STIM2: variants seen among roughly 807,000 people sequenced by gnomAD.
The protein encoded by STIM2 is stromal interaction molecule 2.
In STIM2, 31 loss-of-function variants were observed where a neutral mutation model predicts 85.8. That is an observed-to-expected ratio of 0.36 (90% CI 0.27 to 0.49). STIM2 has a LOEUF of 0.49. STIM2 is among the 20% of genes least tolerant of loss of function. The pLI is 0.98. For synonymous variants in STIM2, 356 were observed against 331.1 expected (o/e 1.08, Z -0.82); for missense variants, 841 against 927.6 (o/e 0.91, Z 1.21).
chr4:26,880,601 A>G (rs1417322585), intron 1 of STIM2, among the ~76,000 whole-genome samples: 1 of 146,866 alleles, frequency 6.8e-6, no homozygotes, highest in Non-Finnish European at 1.5e-5. Context: ...ATAAACCTTC[A>G]TATATATAAA....
At chr4:26,981,356 A>G (rs552739957) in intron 3 of STIM2, among the ~76,000 whole-genome samples, 1 of 152,356 alleles carries the variant, frequency 6.6e-6, no homozygotes, top group South Asian at 2.1e-4. Context: ...AGGCTACCAT[A>G]CTTTCTTGGA....
At chr4:26,916,179 C>T (rs1477410617) in intron 1 of STIM2, among the ~76,000 whole-genome samples, 2 of 152,280 alleles carry the variant, frequency 1.3e-5, no homozygotes, top group Non-Finnish European at 2.9e-5. Context: ...CGAAAAGAGA[C>T]ATTAGAACAG....
intron 3 of STIM2, among the ~76,000 whole-genome samples, chr4:26,972,529 T>C (rs1400893348): frequency 1.3e-5 from 2 of 152,230 alleles, no homozygotes; most frequent in East Asian, 3.8e-4. Context: ...TCTGTTTATA[T>C]GCTGGATTAC....
intron 2 of STIM2, among the ~76,000 whole-genome samples, chr4:26,946,604 C>T (rs1475256350): frequency 2.0e-5 from 3 of 152,362 alleles, no homozygotes; most frequent in Non-Finnish European, 2.9e-5. Flanking sequence ...CCACATGCTC[C>T]TGTATGCTTG....
At chr4:26,930,404 C>G (rs994198048) in intron 2 of STIM2, among the ~76,000 whole-genome samples, 1 of 151,728 alleles carries the variant, frequency 6.6e-6, no homozygotes, top group Non-Finnish European at 1.5e-5. Context: ...TCATTCCTTT[C>G]CTTGTTCTAG....
chr4:26,905,978 T>C (rs116628296), intron 1 of STIM2, among the ~76,000 whole-genome samples: 1,936 of 152,264 alleles, frequency 0.013, 33 homozygotes, highest in African/African-American at 0.044. Context: ...ATACATAAAA[T>C]ATATAGACCT....
chr4:26,942,806 G>A (rs1460961333), intron 2 of STIM2, among the ~76,000 whole-genome samples: 1 of 151,980 alleles, frequency 6.6e-6, no homozygotes, highest in Non-Finnish European at 1.5e-5. Flanking sequence ...TCTGTACATT[G>A]CTTTGCTTAT....
intron 1 of STIM2, among the ~76,000 whole-genome samples, chr4:26,898,996 T>C (rs1488630269): frequency 2.0e-5 from 3 of 152,026 alleles, no homozygotes; most frequent in Non-Finnish European, 4.4e-5. Flanking sequence ...TTTTTTTCCT[T>C]ACTGTAGAAT....
chr4:26,938,880 CT>C (rs1246573841), intron 2 of STIM2, among the ~76,000 whole-genome samples: 1 of 151,988 alleles, frequency 6.6e-6, no homozygotes, highest in African/African-American at 2.4e-5. Context: ...ACTGTTCATT[CT>C]TCATAACATG....
At chr4:26,968,600 G>C (rs1424609792) in intron 3 of STIM2, among the ~76,000 whole-genome samples, 2 of 152,108 alleles carry the variant, frequency 1.3e-5, no homozygotes, top group Admixed American at 6.5e-5. Context: ...GAGATGGATT[G>C]TGATGATGGT....
Position 27,002,450 on chromosome 4 carries a change from A to T in STIM2, c.803+56A>T, listed in dbSNP as rs1728189304. 5 of 1,400,422 alleles carry T rather than the reference A, an allele frequency of 3.6e-6. No homozygotes were observed. In the Admixed American group the frequency reaches 6.5e-5, roughly 18 times the overall value. 86.7% of individuals were successfully genotyped at this position (1,400,422 alleles called of 1,614,324 possible). ...GTAGGCAAATACAATTTGTAAAAAA[A>T]GTGATATGGGCATGTGCTTAAATAC... On this transcript the variant is annotated intron_variant, in intron 6 of 11. Transcript: ENST00000467087.
intron 3 of STIM2, among the ~76,000 whole-genome samples, chr4:26,972,036 CTGTT>C (rs1181276445): frequency 2.6e-5 from 4 of 152,234 alleles, no homozygotes; most frequent in Non-Finnish European, 2.9e-5. Flanking sequence ...ATTTGGCTCT[CTGTT>C]TGTCTGTTAC....
intron 10 of STIM2, among the ~76,000 whole-genome samples, chr4:27,013,261 TG>T (rs1263283096): frequency 9.2e-6 from 1 of 108,204 alleles, no homozygotes; most frequent in African/African-American, 3.5e-5. Flanking sequence ...GAGGTGGGGG[TG>T]GGGGGAAACC....
rs190375789 is a variant in STIM2 at position 26,916,905 on chromosome 4, A to G, written c.152-2599A>G. Among the ~76,000 whole-genome samples, 24 of 152,238 alleles carry G rather than the reference A, an allele frequency of 1.6e-4. No homozygotes were observed. In the East Asian group the frequency reaches 2.9e-3, roughly 18 times the overall value. On this transcript the variant is annotated intron_variant, in intron 1 of 11. Transcript: ENST00000467087. ...GAGTCTACATGTCTTCCTTCTCACA[A>G]AACTGTGAGCTTTTTTGAGTATGGA...
chr4:27,015,589 A>G (rs545896270), intron 10 of STIM2, among the ~76,000 whole-genome samples: 1 of 152,212 alleles, frequency 6.6e-6, no homozygotes, highest in East Asian at 1.9e-4. Context: ...ATAAAATTCC[A>G]GATTAACAAT....
chr4:26,935,716 C>T (rs556128180), intron 2 of STIM2, among the ~76,000 whole-genome samples: 1 of 152,232 alleles, frequency 6.6e-6, no homozygotes, highest in South Asian at 2.1e-4. Context: ...CTGATAGTAG[C>T]CAGAAGCTCT....
In STIM2 at chr4:26,881,310, AC is replaced by A. The variant is rs1723006717; in HGVS notation, c.151+19942del. Among the ~76,000 whole-genome samples the A allele has an allele frequency of 4.6e-5, 7 of 152,226 alleles. No homozygotes were observed. In the South Asian group the frequency reaches 1.5e-3, roughly 32 times the overall value. On this transcript the variant is annotated intron_variant, in intron 1 of 11. Transcript: ENST00000467087. The stretch of plus-strand genomic sequence containing the variant: ...GTGACACCCCGTCTTTACTAAAAAT[AC>A]AAAAATTAGCCCGGTGTGGTGGTGC...
intron 3 of STIM2, among the ~76,000 whole-genome samples, chr4:26,982,463 A>G (rs1247986761): frequency 6.6e-6 from 1 of 152,108 alleles, no homozygotes; most frequent in Non-Finnish European, 1.5e-5. Context: ...ATCCTTTTCT[A>G]ACTGGCTTCT....
intron 1 of STIM2, among the ~76,000 whole-genome samples, chr4:26,875,325 A>G (rs1401125215): frequency 6.6e-6 from 1 of 152,182 alleles, no homozygotes; most frequent in Non-Finnish European, 1.5e-5. Context: ...CCAAACTTAT[A>G]TATGAATAAT....
Sources: gnomAD v4.1 joint callset for allele counts (sites outside exome capture counted in the v4.1 genomes callset) on GRCh38, gnomAD v4.1.1 for gene constraint, MANE v1.5 for transcripts, NCBI Gene and HGNC (gene_info 2026-07-23, HGNC 2026-07-21) for gene names.